CAPN8: variants seen among roughly 807,000 people sequenced by gnomAD.
CAPN8 encodes the protein calpain 8.
In CAPN8, 87 loss-of-function variants were observed where a neutral mutation model predicts 80.9. The ratio of observed to expected loss-of-function variants is 1.07; its 90% CI spans 0.90 to 1.28. CAPN8 has a LOEUF of 1.28. Ranked by LOEUF, CAPN8 falls within the 50% of genes most tolerant of loss-of-function variation. The pLI is 0.00. For missense variants in CAPN8, 757 were observed against 702.0 expected (o/e 1.08, Z -0.89); for synonymous variants, 299 against 273.8 (o/e 1.09, Z -0.91).
At chr1:223,630,775 G>A (rs79568847) in intron 2 of CAPN8, among the ~76,000 whole-genome samples, 81 of 152,258 alleles carry the variant, frequency 5.3e-4, no homozygotes, top group Admixed American at 2.9e-3. Flanking sequence ...CCTGGTAGTC[G>A]AGGGAAACAG....
intron 1 of CAPN8, among the ~76,000 whole-genome samples, chr1:223,662,859 A>G (rs1658684259): frequency 6.6e-6 from 1 of 152,340 alleles, no homozygotes; most frequent in African/African-American, 2.4e-5. Context: ...TCATAGAGAT[A>G]GGATCAGAAT....
At chr1:223,662,733 C>T (rs147755912) in intron 1 of CAPN8, among the ~76,000 whole-genome samples, 99 of 152,196 alleles carry the variant, frequency 6.5e-4, no homozygotes, top group African/African-American at 2.3e-3. Context: ...TACAATGCAC[C>T]ACATTTCTGG....
At position 223,644,027 on chromosome 1, in the gene CAPN8, T is replaced by C. The variant is rs551532815; in HGVS notation, c.307+10303A>G. 1.6e-3 allele frequency: 318 copies of C among 195,352 alleles called. 1 individual carries two copies. Among genetic ancestry groups the C allele is most frequent in the African/African-American group, 7.2e-3 (303 of 42,114 alleles). The allele number at this position is 195,352 out of a possible 1,614,324, so 12.1% of individuals were successfully genotyped here. ...TAACATAAGGGTAATCAAAACAATA[T>C]GAATAAATGTTCGTATTGGACAAAG... On this transcript the variant is annotated intron_variant, in intron 2 of 20. Coordinates refer to ENST00000366872, the MANE Select transcript of CAPN8 (RefSeq NM_001143962.2).
Position 223,665,652 on chromosome 1 carries a change from TG to T in CAPN8, c.-7del. 1 of 1,550,594 alleles carries T rather than the reference TG, an allele frequency of 6.4e-7. No individual in the cohort carries two copies. The highest frequency in any genetic ancestry group is 8.7e-7 in the Non-Finnish European group (1 of 1,146,616). ...CCAGCTGCCTGGGCTGCCATGGCCG[TG>T]GGCTCTGTAGGGTGGACAGAAGGGC... On this transcript the variant is annotated 5_prime_UTR_variant, in exon 1 of 21. Coordinates refer to ENST00000366872, the MANE Select transcript of CAPN8 (RefSeq NM_001143962.2).
chr1:223,556,329 C>T (rs1047245556), intron 13 of CAPN8, among the ~76,000 whole-genome samples: 7,516 of 152,218 alleles, frequency 0.049, 234 homozygotes, highest in South Asian at 0.09. Context: ...GTGTCAGTCA[C>T]AGCACAGTGG....
At chr1:223,618,271 C>A in intron 9 of CAPN8, 6 of 1,550,498 alleles carry the variant, frequency 3.9e-6, no homozygotes, top group Non-Finnish European at 5.2e-6. Context: ...CTGATTCAAC[C>A]TAGGAGGAGC....
At chr1:223,624,505 G>A (rs1418988250) in intron 6 of CAPN8, among the ~76,000 whole-genome samples, 1 of 151,680 alleles carries the variant, frequency 6.6e-6, no homozygotes, top group Non-Finnish European at 1.5e-5. Context: ...AGGAGTTCAA[G>A]ACCAGCCTGG....
chr1:223,640,920 G>A (rs1320792710), intron 2 of CAPN8, among the ~76,000 whole-genome samples: 3 of 152,048 alleles, frequency 2.0e-5, no homozygotes, highest in South Asian at 2.1e-4. Flanking sequence ...TGCTCAATTC[G>A]ATGGATTTCA....
chr1:223,655,572 C>G (rs141944692), intron 1 of CAPN8, among the ~76,000 whole-genome samples: 1,742 of 152,056 alleles, frequency 0.011, 22 homozygotes, highest in Middle Eastern at 0.027. Flanking sequence ...CTGTATATAG[C>G]AAACCAAGAT....
chr1:223,632,408 T>C (rs1657798707), intron 2 of CAPN8, among the ~76,000 whole-genome samples: 1 of 146,684 alleles, frequency 6.8e-6, no homozygotes, highest in African/African-American at 2.5e-5. Flanking sequence ...AAGGTCTCGC[T>C]CTGTTGCCCA....
At chr1:223,656,465 A>C (rs1658492903) in intron 1 of CAPN8, among the ~76,000 whole-genome samples, 1 of 152,020 alleles carries the variant, frequency 6.6e-6, no homozygotes, top group Non-Finnish European at 1.5e-5. Context: ...CATCTCAAAA[A>C]CAACAACAAC....
At chr1:223,664,357 C>G (rs1299287785) in intron 1 of CAPN8, among the ~76,000 whole-genome samples, 7 of 152,226 alleles carry the variant, frequency 4.6e-5, no homozygotes, top group African/African-American at 7.2e-5. Context: ...TGATTGCATC[C>G]AGCACTGAGT....
chr1:223,634,363 T>C (rs1657856787), intron 2 of CAPN8, among the ~76,000 whole-genome samples: 1 of 152,052 alleles, frequency 6.6e-6, no homozygotes, highest in African/African-American at 2.4e-5. Context: ...CAGTCACATC[T>C]CCAGGAGGCC....
chr1:223,656,391 C>T (rs986788949), intron 1 of CAPN8, among the ~76,000 whole-genome samples: 5 of 151,890 alleles, frequency 3.3e-5, no homozygotes, highest in East Asian at 1.9e-4. Context: ...ACCCAGGAGG[C>T]GGAGGTTGCA....
chr1:223,544,340 G>A (rs1014997090), intron 18 of CAPN8, 157 bp from the exon 19 acceptor site: 44 of 607,634 alleles, frequency 7.2e-5, no homozygotes, highest in South Asian at 4.1e-4. Context: ...ATCCCAGAAG[G>A]TGTCCTGCCA....
At chr1:223,622,961 T>C (rs978390957) in intron 6 of CAPN8, 61 bp from the exon 7 acceptor site, 1 of 1,302,486 alleles carries the variant, frequency 7.7e-7, no homozygotes, top group Non-Finnish European at 1.1e-6. Flanking sequence ...CTTGCAGGCA[T>C]GTCTGCACCT....
chr1:223,618,352 AG>A (rs1172167221), intron 9 of CAPN8: 16 of 1,545,134 alleles, frequency 1.0e-5, no homozygotes, highest in Non-Finnish European at 1.3e-5. Context: ...GTGAGGACCC[AG>A]GGTTAGTGCG....
intron 17 of CAPN8, 27 bp downstream of exon 17, chr1:223,545,204 G>A: frequency 6.4e-7 from 1 of 1,551,662 alleles, no homozygotes; most frequent in Non-Finnish European, 8.7e-7. Flanking sequence ...ACAGAGGAGA[G>A]GATGCCCAGA....
chr1:223,654,362 G>T lies in CAPN8; in HGVS notation c.275C>A (p.Ala92Asp), dbSNP rs1658422071. ...CPSPQFIVGGATRTDICQGGL... is the reference protein window; with the variant it reads ...CPSPQFIVGGDTRTDICQGGL... The stretch of plus-strand genomic sequence containing the variant: ...ACCCTGACAAATGTCTGTGCGCGTG[G>T]CTCCACCAACGATAAACTGAGGGCT... The change falls in exon 2 of 21, where the codon GCC becomes GAC. Residue 92 changes from alanine (A) to aspartate (D), a missense_variant. Physicochemically the swap from Ala to Asp is moderately radical, Grantham distance 126. Coordinates refer to ENST00000366872, the MANE Select transcript of CAPN8 (RefSeq NM_001143962.2). 1.0e-5 allele frequency: 16 copies of T among 1,551,534 alleles called. No individual in the cohort carries two copies. The highest frequency in any genetic ancestry group is 1.2e-5 in the Non-Finnish European group (14 of 1,146,988).
Sources: gnomAD v4.1 joint callset for allele counts (sites outside exome capture counted in the v4.1 genomes callset) on GRCh38, gnomAD v4.1.1 for gene constraint, MANE v1.5 for transcripts, NCBI Gene and HGNC (gene_info 2026-07-23, HGNC 2026-07-21) for gene names.